The following OPRL1 variants were observed in gnomAD, a reference collection of about 807,000 sequenced individuals.
The protein encoded by OPRL1 is opioid related nociceptin receptor 1.
A neutral mutation model predicts 15.5 loss-of-function variants in OPRL1; 5 were observed. That is an observed-to-expected ratio of 0.32 (90% confidence interval 0.17 to 0.68). OPRL1 has a LOEUF of 0.68. OPRL1 is among the 30% of genes least tolerant of loss of function. The pLI, the probability that OPRL1 is intolerant of heterozygous loss-of-function variation, is 0.72. For missense variants in OPRL1, 406 were observed against 515.3 expected (o/e 0.79, Z 2.05); for synonymous variants, 223 against 230.2 (o/e 0.97, Z 0.28).
At position 64,083,297 on chromosome 20, in the gene OPRL1, G is replaced by C. The variant is rs2059989090; in HGVS notation, c.-185+2945G>C. ...ACTCTCTGTACCCTGATGTCTGTGA[G>C]GTGCATGGGAGAGGCAGCGTCCATA... On this transcript the variant is annotated intron_variant, in intron 1 of 4. Transcript: ENST00000336866. The surrounding 1 kb of genome is among the most constrained non-coding windows in gnomAD (Gnocchi z 4.9). 2 of 1,264,116 alleles carry C rather than the reference G, an allele frequency of 1.6e-6. No homozygotes were observed. The highest frequency in any genetic ancestry group is 1.5e-5 in the African/African-American group (1 of 66,514). 78.3% of individuals were successfully genotyped at this position (1,264,116 alleles called of 1,614,324 possible). A position where few individuals can be genotyped will look rare whatever the true frequency, so the allele number is the denominator to read the frequency against.
intron 1 of OPRL1, among the ~76,000 whole-genome samples, chr20:64,081,089 G>T (rs1274530750): frequency 6.6e-6 from 1 of 151,958 alleles, no homozygotes; most frequent in African/African-American, 2.4e-5. Context: ...GGTGAGAGGG[G>T]GGAGGGCTGA....
In OPRL1 at chr20:64,089,186, C is replaced by A. The variant is rs2060096324; in HGVS notation, c.-184-2780C>A. On this transcript the variant is annotated intron_variant, in intron 1 of 4. Coordinates refer to ENST00000336866, the MANE Select transcript of OPRL1 (RefSeq NM_182647.4). This position sits in a 1 kb window ranked among gnomAD's most constrained non-coding sequence, Gnocchi z 5.5. Reference sequence around the variant, plus strand: ...CTGTCCTGGGTTCTATGGTTATGAACATGTCAGGGCAGAATGACACAGAAC... The same window carrying A: ...CTGTCCTGGGTTCTATGGTTATGAAAATGTCAGGGCAGAATGACACAGAAC... 6.6e-6 allele frequency among the ~76,000 whole-genome samples: 1 copy of A among 152,118 alleles called. No individual in the cohort carries two copies. Among genetic ancestry groups the A allele is most frequent in the Non-Finnish European group, 1.5e-5 (1 of 68,012 alleles).
intron 3 of OPRL1, among the ~76,000 whole-genome samples, chr20:64,095,508 A>C (rs943273987): frequency 6.6e-6 from 1 of 151,018 alleles, no homozygotes; most frequent in African/African-American, 2.4e-5. Context: ...GAAATGATGG[A>C]CCTCAAATCT....
At position 64,083,978 on chromosome 20, in the gene OPRL1, C is replaced by A. The variant is rs996516612; in HGVS notation, c.-185+3626C>A. Reference sequence around the variant, plus strand: ...GCGGTACCCCGGTTCCACCGACCCGCACGGGAAGGTGGAGGCCGCCGCGCC... The same window carrying A: ...GCGGTACCCCGGTTCCACCGACCCGAACGGGAAGGTGGAGGCCGCCGCGCC... On this transcript the variant is annotated intron_variant, in intron 1 of 4. Coordinates refer to ENST00000336866, the MANE Select transcript of OPRL1 (RefSeq NM_182647.4). The surrounding 1 kb of genome is among the most constrained non-coding windows in gnomAD (Gnocchi z 4.9). 4 of 1,471,430 alleles carry A rather than the reference C, an allele frequency of 2.7e-6. No homozygotes were observed. The highest frequency in any genetic ancestry group is 3.6e-6 in the Non-Finnish European group (4 of 1,119,272). The allele number at this position is 1,471,430 out of a possible 1,614,324, so 91.1% of individuals were successfully genotyped here. A position where few individuals can be genotyped will look rare whatever the true frequency, so the allele number is the denominator to read the frequency against.
chr20:64,095,605 G>A (rs927520230), intron 3 of OPRL1, among the ~76,000 whole-genome samples: 3 of 151,696 alleles, frequency 2.0e-5, no homozygotes, highest in South Asian at 2.1e-4. Flanking sequence ...TTCAGGCAGT[G>A]GGGGGTTATG....
rs2059952462 is a variant in OPRL1 at position 64,080,287 on chromosome 20, C to G, written c.-250C>G. 1 of 152,304 alleles carries G rather than the reference C, an allele frequency of 6.6e-6. No individual in the cohort carries two copies. Among genetic ancestry groups the G allele is most frequent in the Non-Finnish European group, 1.5e-5 (1 of 68,090 alleles). The allele number at this position is 152,304 out of a possible 1,614,324, so 9.4% of individuals were successfully genotyped here. On this transcript the variant is annotated 5_prime_UTR_variant, in exon 1 of 5. Transcript: ENST00000336866. ...TTCCACGACAGTGGAGGCACGAGAG[C>G]TGGGCCCCATATGCTGCTTGCCCAG...
At chr20:64,088,998 G>T (rs2060094012) in intron 1 of OPRL1, among the ~76,000 whole-genome samples, 1 of 146,902 alleles carries the variant, frequency 6.8e-6, no homozygotes, top group African/African-American at 2.5e-5. Flanking sequence ...GGGGGGACAG[G>T]TTGTGTGCAG....
Position 64,089,917 on chromosome 20 carries a change from C to T in OPRL1, c.-184-2049C>T, listed in dbSNP as rs547700547. ...CAGACGTTGGTGAGCCCAGCTGGGGCGGAGGGCTGCAGGAGTCCGAGCCTG... is the reference window on the plus strand; with the variant it reads ...CAGACGTTGGTGAGCCCAGCTGGGGTGGAGGGCTGCAGGAGTCCGAGCCTG... On this transcript the variant is annotated intron_variant, in intron 1 of 4. Transcript: ENST00000336866. The surrounding 1 kb of genome is among the most constrained non-coding windows in gnomAD (Gnocchi z 5.5). Among the ~76,000 whole-genome samples, 274 of 152,284 alleles carry T rather than the reference C, an allele frequency of 1.8e-3. No homozygotes were observed. The highest frequency in any genetic ancestry group is 6.4e-3 in the African/African-American group (265 of 41,538).
Position 64,083,590 on chromosome 20 carries a change from C to A in OPRL1, c.-185+3238C>A. The A allele has an allele frequency of 6.6e-7, 1 of 1,505,160 alleles. No homozygotes were observed. 93.2% of individuals were successfully genotyped at this position (1,505,160 alleles called of 1,614,324 possible). A position where few individuals can be genotyped will look rare whatever the true frequency, so the allele number is the denominator to read the frequency against. ...ACCGGGGCTTGTCTGCACCTCTTGG[C>A]GGTCCAGGGGGTCCGGGATCCGCGC... On this transcript the variant is annotated intron_variant, in intron 1 of 4. Transcript: ENST00000336866. The surrounding 1 kb of genome is among the most constrained non-coding windows in gnomAD (Gnocchi z 4.9).
At chr20:64,085,839 T>C (rs776818415) in intron 1 of OPRL1, among the ~76,000 whole-genome samples, 28 of 152,208 alleles carry the variant, frequency 1.8e-4, no homozygotes, top group Non-Finnish European at 3.8e-4. Flanking sequence ...TTTGGGAGAC[T>C]GCCCTGGCCT....
rs189599405 is a variant in OPRL1, at chr20:64,087,659, G to T, written c.-184-4307G>T. ...TCTGTGCTGTCATTCGCGTGTCATC[G>T]TTCGTGTCTTGGGCTATCCCTAGTA... On this transcript the variant is annotated intron_variant, in intron 1 of 4. Coordinates refer to ENST00000336866, the MANE Select transcript of OPRL1 (RefSeq NM_182647.4). Among the ~76,000 whole-genome samples, 741 of 152,128 alleles carry T rather than the reference G, an allele frequency of 4.9e-3. 16 individuals carry two copies. Among genetic ancestry groups the T allele is most frequent in the Admixed American group, 0.044 (674 of 15,228 alleles).
intron 1 of OPRL1, among the ~76,000 whole-genome samples, chr20:64,085,922 A>G (rs981449904): frequency 4.6e-5 from 7 of 152,132 alleles, no homozygotes; most frequent in African/African-American, 1.7e-4. Context: ...AGCTAGGCCC[A>G]TCCTTCCAGC....
At chr20:64,095,967 G>A (rs1165188870) in intron 3 of OPRL1, among the ~76,000 whole-genome samples, 2 of 152,082 alleles carry the variant, frequency 1.3e-5, no homozygotes, top group Admixed American at 6.5e-5. Context: ...CAGGTGATGC[G>A]TGGTCAGACG....
chr20:64,084,451 A>C, intron 1 of OPRL1: 1 of 1,111,272 alleles, frequency 9.0e-7, no homozygotes, highest in African/African-American at 1.6e-5. Context: ...TCAGTCCTGC[A>C]GTCAACTAGG....
At chr20:64,082,581 C>T (rs755231728) in intron 1 of OPRL1, among the ~76,000 whole-genome samples, 1 of 152,176 alleles carries the variant, frequency 6.6e-6, no homozygotes, top group African/African-American at 2.4e-5. Flanking sequence ...CCTGCGGTCC[C>T]GCTTCTGTGC....
intron 1 of OPRL1, among the ~76,000 whole-genome samples, chr20:64,087,053 A>G (rs2060060579): frequency 6.6e-6 from 1 of 152,178 alleles, no homozygotes; most frequent in African/African-American, 2.4e-5. Context: ...CTGCCCAAAT[A>G]CCCAGGAGCT....
rs2060004783 is a variant in OPRL1 at position 64,083,880 on chromosome 20, G to A, written c.-185+3528G>A. 1.4e-6 allele frequency: 2 copies of A among 1,437,388 alleles called. No homozygotes were observed. Among genetic ancestry groups the A allele is most frequent in the South Asian group, 1.4e-5 (1 of 72,454 alleles). The allele number at this position is 1,437,388 out of a possible 1,614,324, so 89.0% of individuals were successfully genotyped here. On this transcript the variant is annotated intron_variant, in intron 1 of 4. Coordinates refer to ENST00000336866, the MANE Select transcript of OPRL1 (RefSeq NM_182647.4). The surrounding 1 kb of genome is among the most constrained non-coding windows in gnomAD (Gnocchi z 4.9). ...CGCCCGCGGGCCTCCGCTGCCTTGA[G>A]GACGCCGAGGAGCCGGTTCTGGCGC... is the stretch of plus-strand genomic sequence containing the variant.
Position 64,083,417 on chromosome 20 carries a change from G to A in OPRL1, c.-185+3065G>A. The stretch of plus-strand genomic sequence containing the variant: ...TTTATGTGGGAGGCTGGGGCGCGTC[G>A]CACACTCTCAGTCGCCGTCACCGCG... On this transcript the variant is annotated intron_variant, in intron 1 of 4. Coordinates refer to ENST00000336866, the MANE Select transcript of OPRL1 (RefSeq NM_182647.4). This position sits in a 1 kb window ranked among gnomAD's most constrained non-coding sequence, Gnocchi z 4.9. The A allele has an allele frequency of 6.2e-7, 1 of 1,611,580 alleles. No individual in the cohort carries two copies. The highest frequency in any genetic ancestry group is 2.2e-5 in the East Asian group (1 of 44,728).
In OPRL1 at chr20:64,098,636, T is replaced by A; in HGVS notation, c.950T>A (p.Ile317Asn). Residue 317 changes from isoleucine (I) to asparagine (N), a missense_variant, in exon 5 of 5, where the codon ATC becomes AAC. Transcript: ENST00000336866. ...LGYVNSCLNPILYAFLDENFK... is the reference protein window; with the variant it reads ...LGYVNSCLNPNLYAFLDENFK... ...TACGTCAACAGCTGCCTCAACCCCA[T>A]CCTCTACGCCTTCCTGGATGAGAAC... is the stretch of plus-strand genomic sequence containing the variant. 1 of 1,612,942 alleles carries A rather than the reference T, an allele frequency of 6.2e-7. No homozygotes were observed. Among genetic ancestry groups the A allele is most frequent in the Non-Finnish European group, 8.5e-7 (1 of 1,179,958 alleles).
Sources: allele counts gnomAD v4.1 joint callset (sites outside exome capture counted in the v4.1 genomes callset), GRCh38; gene constraint gnomAD v4.1.1; non-coding constraint Gnocchi (gnomAD v3.1); transcripts MANE v1.5; gene names NCBI Gene and HGNC (gene_info 2026-07-23, HGNC 2026-07-21).